Variants in FBXO34 observed in about 807,000 individuals in gnomAD.
FBXO34 encodes the protein F-box protein 34, also known as F-box only protein 34.
A neutral mutation model predicts 24.5 loss-of-function variants in FBXO34; 12 were observed. That is an observed-to-expected ratio of 0.49 (90% CI 0.31 to 0.79). The LOEUF is 0.79. Ranked by LOEUF, FBXO34 falls within the 30% of genes least tolerant of loss-of-function variation. The pLI, the probability that FBXO34 is intolerant of heterozygous loss-of-function variation, is 0.04. For missense variants in FBXO34, 823 were observed against 857.7 expected (o/e 0.96, Z 0.51); for synonymous variants, 320 against 311.9 (o/e 1.03, Z -0.27).
At chr14:55,326,371 C>T (rs1883343785) in intron 1 of FBXO34, among the ~76,000 whole-genome samples, 1 of 152,132 alleles carries the variant, frequency 6.6e-6, no homozygotes, top group African/African-American at 2.4e-5. Context: ...GCCGAGTTGC[C>T]TAGGTGAGGG....
At chr14:55,317,465 A>G (rs1398523343) in intron 1 of FBXO34, among the ~76,000 whole-genome samples, 1 of 152,104 alleles carries the variant, frequency 6.6e-6, no homozygotes, top group Non-Finnish European at 1.5e-5. Context: ...TGGGTGACAG[A>G]GTGAGACCCT....
At chr14:55,389,220 C>T in the FBXO34 span, among the ~76,000 whole-genome samples, 178 of 152,282 alleles carry the variant, frequency 1.2e-3, 1 homozygote, top group African/African-American at 4.1e-3. Flanking sequence ...CAGAGAAACA[C>T]GCATGATCAG....
In FBXO34 at chr14:55,289,157, T is replaced by G. The variant is rs190090190; in HGVS notation, c.-11+17620T>G. Among the ~76,000 whole-genome samples the G allele has an allele frequency of 5.4e-4, 82 of 152,318 alleles. 1 individual carries two copies. The highest frequency in any genetic ancestry group is 9.0e-4 in the Non-Finnish European group (61 of 68,028). The stretch of plus-strand genomic sequence containing the variant: ...TCTTGCCCTTTTCTCTCAAATGATT[T>G]AGAGTTCTTAGCCTTCTCTTTTTTC... On this transcript the variant is annotated intron_variant, in intron 1 of 1. Coordinates refer to ENST00000313833, the MANE Select transcript of FBXO34 (RefSeq NM_017943.4).
At chr14:55,426,195 G>A in the FBXO34 span, among the ~76,000 whole-genome samples, 1 of 151,792 alleles carries the variant, frequency 6.6e-6, no homozygotes, top group African/African-American at 2.4e-5. Context: ...TGAACCCTGG[G>A]GGGTGGAGGT....
the FBXO34 span, among the ~76,000 whole-genome samples, chr14:55,380,191 T>C: frequency 6.6e-6 from 1 of 152,096 alleles, no homozygotes; most frequent in Non-Finnish European, 1.5e-5. Flanking sequence ...GAGGTTGCAG[T>C]GAGCAGAGAT....
rs1310871041 is a variant in FBXO34 at position 55,323,208 on chromosome 14, A to T, written c.-10-27173A>T. 4.5e-3 allele frequency among the ~76,000 whole-genome samples: 114 copies of T among 25,550 alleles called. 1 individual carries two copies. Among genetic ancestry groups the T allele is most frequent in the African/African-American group, 0.013 (27 of 2,050 alleles). 16.8% of individuals were successfully genotyped at this position (25,550 alleles called of 152,430 possible). ...TCAAAAAAAAAAAAAAAAAAAAAAA[A>T]AAAAAAAAAAATATATATTTTTTTT... On this transcript the variant is annotated intron_variant, in intron 1 of 1. Transcript: ENST00000313833.
chr14:55,441,258 C>T, the FBXO34 span, among the ~76,000 whole-genome samples: 2 of 152,342 alleles, frequency 1.3e-5, no homozygotes, highest in Admixed American at 1.3e-4. Context: ...AAGCTCCTGC[C>T]TCAGCCTCCC....
intron 1 of FBXO34, among the ~76,000 whole-genome samples, chr14:55,336,884 A>ACG (rs1219280958): frequency 2.0e-5 from 3 of 151,184 alleles, no homozygotes; most frequent in African/African-American, 7.3e-5. Context: ...ACACACACAC[A>ACG]CACACACACA....
At chr14:55,364,959 C>T (rs1054412403), downstream of FBXO34, among the ~76,000 whole-genome samples, 20 of 151,010 alleles carry the variant, frequency 1.3e-4, no homozygotes, top group Non-Finnish European at 2.2e-4. Flanking sequence ...GGCTCACGCC[C>T]GTAATCTCAG....
chr14:55,285,576 C>A (rs1337640835), intron 1 of FBXO34: 2 of 151,946 alleles, frequency 1.3e-5, no homozygotes, highest in Non-Finnish European at 2.9e-5. Flanking sequence ...AAAAAAAATT[C>A]CTTTATGAAC....
chr14:55,419,172 C>T, the FBXO34 span, among the ~76,000 whole-genome samples: 2 of 152,232 alleles, frequency 1.3e-5, no homozygotes, highest in African/African-American at 4.8e-5. Context: ...CAGGGTGAGC[C>T]CAGTGGGCTC....
At chr14:55,408,620 A>T in the FBXO34 span, among the ~76,000 whole-genome samples, 1 of 152,074 alleles carries the variant, frequency 6.6e-6, no homozygotes, top group African/African-American at 2.4e-5. Context: ...AAAATTTAAA[A>T]ATTAGCCAGG....
chr14:55,396,103 G>C, the FBXO34 span: 1 of 649,364 alleles, frequency 1.5e-6, no homozygotes, highest in Non-Finnish European at 2.4e-6. Context: ...ATCAAAACGG[G>C]ACTTAGCATT....
the FBXO34 span, among the ~76,000 whole-genome samples, chr14:55,405,111 G>C: frequency 6.6e-6 from 1 of 152,306 alleles, no homozygotes; most frequent in East Asian, 1.9e-4. Context: ...GAAGGACACA[G>C]TGAAACAGTC....
chr14:55,364,883 C>T (rs569783897), downstream of FBXO34, among the ~76,000 whole-genome samples: 3 of 151,738 alleles, frequency 2.0e-5, no homozygotes, highest in East Asian at 3.9e-4. Flanking sequence ...ACCACAGATG[C>T]ACACGACCAT....
intron 1 of FBXO34, among the ~76,000 whole-genome samples, chr14:55,330,388 T>G (rs1883492857): frequency 6.6e-6 from 1 of 152,212 alleles, no homozygotes; most frequent in Non-Finnish European, 1.5e-5. Flanking sequence ...ATTCTGGATT[T>G]GTCATATAAA....
At chr14:55,381,690 A>C in the FBXO34 span, among the ~76,000 whole-genome samples, 15 of 152,250 alleles carry the variant, frequency 9.9e-5, no homozygotes, top group Non-Finnish European at 2.1e-4. Context: ...TAAGCTGCCC[A>C]GAACAGGCAA....
chr14:55,380,618 A>G, the FBXO34 span: 2 of 1,613,422 alleles, frequency 1.2e-6, no homozygotes, highest in Non-Finnish European at 1.7e-6. Flanking sequence ...TATATGAGAC[A>G]GAATGTTGAC....
At chr14:55,410,977 A>G in the FBXO34 span, among the ~76,000 whole-genome samples, 1 of 152,208 alleles carries the variant, frequency 6.6e-6, no homozygotes, top group Non-Finnish European at 1.5e-5. Flanking sequence ...TCTCTTAACT[A>G]AAAGCATGCA....
Sources: gnomAD v4.1 joint callset for allele counts (sites outside exome capture counted in the v4.1 genomes callset) on GRCh38, gnomAD v4.1.1 for gene constraint, MANE v1.5 for transcripts, NCBI Gene and HGNC (gene_info 2026-07-23, HGNC 2026-07-21) for gene names.